Variants in KCNA2 observed in about 807,000 individuals in gnomAD.
KCNA2 encodes potassium voltage-gated channel subfamily A member 2.
Under a neutral mutation model 33.4 loss-of-function variants are expected in KCNA2, and 11 were observed. The observed-to-expected ratio is 0.33, with a 90% CI of 0.21 to 0.55. KCNA2 has a LOEUF of 0.55. KCNA2 is among the 20% of genes least tolerant of loss of function. The pLI is 0.93. For missense variants in KCNA2, 291 were observed against 621.6 expected (o/e 0.47, Z 5.66); for synonymous variants, 222 against 231.3 (o/e 0.96, Z 0.37).
In KCNA2 at chr1:110,596,554, C is replaced by G. The variant is rs1649106603; in HGVS notation, c.*6729G>C. On this transcript the variant is annotated 3_prime_UTR_variant, in exon 3 of 3. Coordinates refer to ENST00000316361, the MANE Select transcript of KCNA2 (RefSeq NM_004974.4). ...TAGCCAGCAGCCATTCAGCCTGTCT[C>G]TTTGGTCTTCTCTACCTATGTCCAC... The G allele has an allele frequency of 4.5e-6, 1 of 223,588 alleles. No homozygotes were observed. Among genetic ancestry groups the G allele is most frequent in the Non-Finnish European group, 7.5e-6 (1 of 133,576 alleles). 13.9% of individuals were successfully genotyped at this position (223,588 alleles called of 1,614,324 possible).
chr1:110,609,918 C>A (rs1272358220), upstream of KCNA2, among the ~76,000 whole-genome samples: 1 of 152,176 alleles, frequency 6.6e-6, no homozygotes, highest in Non-Finnish European at 1.5e-5. Flanking sequence ...CTGTTCGTTT[C>A]CTAGTTGGTC....
rs1168973771 is a variant in KCNA2, at chr1:110,602,186, G to A, written c.*1097C>T. On this transcript the variant is annotated 3_prime_UTR_variant, in exon 3 of 3. Transcript: ENST00000316361. ...GTCTGCGTTCCTGTTTAGAAGAACA[G>A]GGATAGGTAGGCTGGGGGGCCAGAA... is the stretch of plus-strand genomic sequence containing the variant. 1.3e-6 allele frequency: 2 copies of A among 1,549,920 alleles called. No homozygotes were observed. The highest frequency in any genetic ancestry group is 2.0e-5 in the Admixed American group (1 of 50,968).
rs2101408861 is a variant in KCNA2, at chr1:110,605,610, G to GC, written c.-384dup. Reference sequence around the variant, plus strand: ...CGGTGAGGTGCCTGGCCAGGGGCATGCGGGACTTGAAGACAGCCGAGCATG... The same window carrying GC: ...CGGTGAGGTGCCTGGCCAGGGGCATGCCGGGACTTGAAGACAGCCGAGCATG... On this transcript the variant is annotated 5_prime_UTR_variant, in exon 2 of 3. An upstream open reading frame in the 5' UTR loses its in-frame stop. Transcript: ENST00000316361. 6.5e-6 allele frequency: 1 copy of GC among 152,820 alleles called. No homozygotes were observed. The highest frequency in any genetic ancestry group is 1.5e-5 in the Non-Finnish European group (1 of 68,390). The allele number at this position is 152,820 out of a possible 1,614,324, so 9.5% of individuals were successfully genotyped here.
At chr1:110,619,762 T>A (rs1464806117) in intron 1 of KCNA2, among the ~76,000 whole-genome samples, 1 of 152,198 alleles carries the variant, frequency 6.6e-6, no homozygotes, top group African/African-American at 2.4e-5. Context: ...GTTAAGCCCT[T>A]AAACCCCAGC....
chr1:110,626,959 GA>G (rs1320085199), intron 1 of KCNA2, among the ~76,000 whole-genome samples: 1 of 152,234 alleles, frequency 6.6e-6, no homozygotes, highest in African/African-American at 2.4e-5. Context: ...TGACGATGAT[GA>G]TGATACCTCT....
At chr1:110,612,841 C>T (rs1351894600) in intron 1 of KCNA2, among the ~76,000 whole-genome samples, 2 of 152,220 alleles carry the variant, frequency 1.3e-5, no homozygotes, top group African/African-American at 4.8e-5. Flanking sequence ...ATTAAACTGC[C>T]TCGAAAGCTC....
chr1:110,594,871 A>C lies in KCNA2; in HGVS notation c.*8412T>G. On this transcript the variant is annotated 3_prime_UTR_variant, in exon 3 of 3. Transcript: ENST00000316361. ...TGGCAGGTCAAAGTCCTTGCCCTAC[A>C]CTTCATAGGCTAAAAAGGCAGTAAT... 1 of 985,368 alleles carries C rather than the reference A, an allele frequency of 1.0e-6. No individual in the cohort carries two copies. The highest frequency in any genetic ancestry group is 1.2e-6 in the Non-Finnish European group (1 of 829,924). The allele number at this position is 985,368 out of a possible 1,614,324, so 61.0% of individuals were successfully genotyped here. A position where few individuals can be genotyped will look rare whatever the true frequency, so the allele number is the denominator to read the frequency against.
intron 1 of KCNA2, among the ~76,000 whole-genome samples, chr1:110,619,041 C>T (rs1456866881): frequency 8.5e-5 from 13 of 152,150 alleles, no homozygotes; most frequent in African/African-American, 3.1e-4. Flanking sequence ...CAGAACTAAG[C>T]CTGAAGTCCT....
At chr1:110,612,649 C>G (rs1046361172) in intron 1 of KCNA2, among the ~76,000 whole-genome samples, 1 of 152,210 alleles carries the variant, frequency 6.6e-6, no homozygotes, top group East Asian at 1.9e-4. Context: ...CTCTTCTCCC[C>G]ACAGTTGCTA....
chr1:110,600,913 C>G lies in KCNA2; in HGVS notation c.*2370G>C. Reference sequence around the variant, plus strand: ...GCCCCAAGACAACTGTAGGTGCTAACTAGGCAGCAGTGAGGCCTGGGCTGG... The same window carrying G: ...GCCCCAAGACAACTGTAGGTGCTAAGTAGGCAGCAGTGAGGCCTGGGCTGG... On this transcript the variant is annotated 3_prime_UTR_variant, in exon 3 of 3. Coordinates refer to ENST00000316361, the MANE Select transcript of KCNA2 (RefSeq NM_004974.4). The G allele has an allele frequency of 5.1e-6, 5 of 985,518 alleles. No individual in the cohort carries two copies. The highest frequency in any genetic ancestry group is 6.0e-6 in the Non-Finnish European group (5 of 829,996). The allele number at this position is 985,518 out of a possible 1,614,324, so 61.0% of individuals were successfully genotyped here. A position where few individuals can be genotyped will look rare whatever the true frequency, so the allele number is the denominator to read the frequency against.
chr1:110,622,272 A>C (rs1261170020), intron 1 of KCNA2, among the ~76,000 whole-genome samples: 1 of 152,166 alleles, frequency 6.6e-6, no homozygotes, highest in Non-Finnish European at 1.5e-5. Context: ...AGACAGAGAA[A>C]AATGTTTGAA....
chr1:110,602,672 C>A lies in KCNA2; in HGVS notation c.*611G>T. ...CTCCCCCGGGCTTCCCTCACATCGA[C>A]ACTGCAGAGAAAAAGCAGAATGCAG... On this transcript the variant is annotated 3_prime_UTR_variant, in exon 3 of 3. Coordinates refer to ENST00000316361, the MANE Select transcript of KCNA2 (RefSeq NM_004974.4). The A allele has an allele frequency of 1.0e-6, 1 of 995,090 alleles. No individual in the cohort carries two copies. Among genetic ancestry groups the A allele is most frequent in the Non-Finnish European group, 1.2e-6 (1 of 836,190 alleles). The allele number at this position is 995,090 out of a possible 1,614,324, so 61.6% of individuals were successfully genotyped here. A position where few individuals can be genotyped will look rare whatever the true frequency, so the allele number is the denominator to read the frequency against.
At chr1:110,618,553 G>A (rs544851726) in intron 1 of KCNA2, among the ~76,000 whole-genome samples, 1 of 152,214 alleles carries the variant, frequency 6.6e-6, no homozygotes, top group East Asian at 1.9e-4. Context: ...CCCTCAGATG[G>A]GAAAAAGACC....
intron 1 of KCNA2, among the ~76,000 whole-genome samples, chr1:110,628,372 C>T (rs1237597891): frequency 1.3e-5 from 2 of 152,156 alleles, no homozygotes; most frequent in Non-Finnish European, 2.9e-5. Flanking sequence ...CCCTCTGAAA[C>T]GCCATTCATC....
At position 110,594,596 on chromosome 1, in the gene KCNA2, C is replaced by G. The variant is rs749330399; in HGVS notation, c.*8687G>C. 27 of 985,250 alleles carry G rather than the reference C, an allele frequency of 2.7e-5. No homozygotes were observed. Among genetic ancestry groups the G allele is most frequent in the African/African-American group, 3.5e-5 (2 of 57,212 alleles). The allele number at this position is 985,250 out of a possible 1,614,324, so 61.0% of individuals were successfully genotyped here. A position where few individuals can be genotyped will look rare whatever the true frequency, so the allele number is the denominator to read the frequency against. On this transcript the variant is annotated 3_prime_UTR_variant, in exon 3 of 3. Coordinates refer to ENST00000316361, the MANE Select transcript of KCNA2 (RefSeq NM_004974.4). ...TTTGGCTGGGGTATTGTTTGCTCAG[C>G]AGGCTAGAGCTTGATCATGGGACTT... is the stretch of plus-strand genomic sequence containing the variant.
chr1:110,603,122 G>A lies in KCNA2; in HGVS notation c.*161C>T, dbSNP rs1259844101. The A allele has an allele frequency of 5.6e-6, 8 of 1,433,744 alleles. No individual in the cohort carries two copies. The highest frequency in any genetic ancestry group is 6.4e-6 in the Non-Finnish European group (7 of 1,099,004). The allele number at this position is 1,433,744 out of a possible 1,614,324, so 88.8% of individuals were successfully genotyped here. On this transcript the variant is annotated 3_prime_UTR_variant, in exon 3 of 3. Coordinates refer to ENST00000316361, the MANE Select transcript of KCNA2 (RefSeq NM_004974.4). The surrounding 1 kb of genome is among the most constrained non-coding windows in gnomAD (Gnocchi z 5.7). ...GCATGAAAGCCATGATAGATATTCT[G>A]TGTTCTAAATCAAAAGTCAAAAGAT...
intron 1 of KCNA2, among the ~76,000 whole-genome samples, chr1:110,625,597 A>T (rs556931083): frequency 6.6e-6 from 1 of 152,374 alleles, no homozygotes; most frequent in East Asian, 1.9e-4. Flanking sequence ...AAATTGATAA[A>T]TTCAATTACA....
chr1:110,620,076 G>C (rs1472176249), intron 1 of KCNA2, among the ~76,000 whole-genome samples: 1 of 145,682 alleles, frequency 6.9e-6, no homozygotes, highest in African/African-American at 2.7e-5. Context: ...GAGAGAGAGA[G>C]AGAGAGAGAG....
chr1:110,626,966 C>T (rs1223405381), intron 1 of KCNA2, among the ~76,000 whole-genome samples: 1 of 152,182 alleles, frequency 6.6e-6, no homozygotes, highest in Admixed American at 6.5e-5. Context: ...GATGATGATA[C>T]CTCTGTTTAC....
Sources: allele counts gnomAD v4.1 joint callset (sites outside exome capture counted in the v4.1 genomes callset), GRCh38; gene constraint gnomAD v4.1.1; non-coding constraint Gnocchi (gnomAD v3.1); transcripts MANE v1.5; gene names NCBI Gene and HGNC (gene_info 2026-07-23, HGNC 2026-07-21).